The following RTKN variants were observed in gnomAD, a reference collection of about 807,000 sequenced individuals.
RTKN encodes rhotekin.
Under a neutral mutation model 63.5 loss-of-function variants are expected in RTKN, and 49 were observed. That is an observed-to-expected ratio of 0.77 (90% CI 0.61 to 0.98). RTKN has a LOEUF of 0.98. Ranked by LOEUF, RTKN falls within the 50% of genes least tolerant of loss-of-function variation. The probability of loss-of-function intolerance (pLI) is 0.00; values close to 1 mark genes in which losing one functional copy is unlikely to be tolerated. For missense variants in RTKN, 685 were observed against 740.8 expected (o/e 0.92, Z 0.87); for synonymous variants, 295 against 290.4 (o/e 1.02, Z -0.16).
At chr2:74,435,637 G>A (rs757363819) in intron 1 of RTKN, among the ~76,000 whole-genome samples, 10 of 152,208 alleles carry the variant, frequency 6.6e-5, no homozygotes, top group Non-Finnish European at 1.2e-4. Flanking sequence ...TCAGAGAGGA[G>A]TTGGAAGACT....
rs140016858 is a variant in RTKN at position 74,427,867 on chromosome 2, G to C, written c.1087-275C>G. The C allele has an allele frequency of 3.5e-4, 177 of 505,964 alleles. 2 individuals are homozygous for C. Among genetic ancestry groups the C allele is most frequent in the African/African-American group, 3.0e-3 (156 of 52,480 alleles). The allele number at this position is 505,964 out of a possible 1,614,324, so 31.3% of individuals were successfully genotyped here. A position where few individuals can be genotyped will look rare whatever the true frequency, so the allele number is the denominator to read the frequency against. ...AAGGTAGGCAAGGATGCTCCAGCCA[G>C]AGGTCCCTCAGAACTGACAAAAAGT... On this transcript the variant is annotated intron_variant, in intron 9 of 11. Transcript: ENST00000272430.
At chr2:74,437,279 C>A (rs1271127182) in intron 1 of RTKN, among the ~76,000 whole-genome samples, 1 of 152,160 alleles carries the variant, frequency 6.6e-6, no homozygotes, top group African/African-American at 2.4e-5. Context: ...TTAAAATAAG[C>A]CCCCTTTACT....
intron 2 of RTKN, among the ~76,000 whole-genome samples, chr2:74,431,241 C>T (rs1047602905): frequency 6.6e-6 from 1 of 152,046 alleles, no homozygotes; most frequent in African/African-American, 2.4e-5. Flanking sequence ...CCCTACCACT[C>T]CCCAACTTTG....
At chr2:74,433,417 T>C (rs1012182158) in intron 1 of RTKN, among the ~76,000 whole-genome samples, 2 of 152,026 alleles carry the variant, frequency 1.3e-5, no homozygotes, top group African/African-American at 4.8e-5. Context: ...ATCCAATACC[T>C]AGCAGTTTAT....
chr2:74,429,309 G>T (rs753431671), intron 6 of RTKN, among the ~76,000 whole-genome samples: 3 of 152,078 alleles, frequency 2.0e-5, no homozygotes, highest in Non-Finnish European at 2.9e-5. Context: ...CTACCCAAAG[G>T]TTCTCAAACT....
rs565489272 is a variant in RTKN at position 74,432,566 on chromosome 2, G to A, written c.212C>T (p.Ala71Val). 1.1e-4 allele frequency: 170 copies of A among 1,613,922 alleles called. No individual in the cohort carries two copies. The highest frequency in any genetic ancestry group is 1.4e-4 in the Non-Finnish European group (163 of 1,179,906). The stretch of plus-strand genomic sequence containing the variant: ...GTTGCACACTAGCAGGCTCTTGGTG[G>A]CCTCCAGAGCCTGCTCTCGCTGGGA... ...ACSQREQALE[A>V]TKSLLVCNSR... The change falls in exon 2 of 12, where the codon GCC (alanine) becomes GTC (valine). Residue 71 changes from alanine (A) to valine (V), a missense_variant. Coordinates refer to ENST00000272430, the MANE Select transcript of RTKN (RefSeq NM_001015055.2).
chr2:74,440,057 G>A (rs1671274173), intron 1 of RTKN: 1 of 964,146 alleles, frequency 1.0e-6, no homozygotes, highest in Non-Finnish European at 1.3e-6. Flanking sequence ...GGTGGACAGG[G>A]AATCTGTGTG....
intron 1 of RTKN, among the ~76,000 whole-genome samples, chr2:74,438,779 C>A (rs890647264): frequency 1.3e-4 from 20 of 152,334 alleles, no homozygotes; most frequent in African/African-American, 4.8e-4. Flanking sequence ...CCAACAGAGG[C>A]TTCCCCTGAC....
rs1670404973 is a variant in RTKN, at chr2:74,426,536, T to C, written c.1399A>G (p.Ile467Val). ...PLDDIAAVTD[I>V]LTQREGARLE... ...CTTGCGCCCTCCCGCTGGGTCAGGA[T>C]GTCTGTCACCGCTGCGATGTCATCC... The change falls in exon 12 of 12, where the codon ATC becomes GTC. Residue 467 changes from isoleucine to valine, a missense_variant. Coordinates refer to ENST00000272430, the MANE Select transcript of RTKN (RefSeq NM_001015055.2). 3 of 1,547,040 alleles carry C rather than the reference T, an allele frequency of 1.9e-6. No homozygotes were observed. Among genetic ancestry groups the C allele is most frequent in the African/African-American group, 1.4e-5 (1 of 73,186 alleles).
rs1404332856 is a variant in RTKN at position 74,428,661 on chromosome 2, C to T, written c.927G>A (p.Gln309=). The change falls in exon 8 of 12, where the codon CAG becomes CAA. Residue 309 remains glutamine (Q), a synonymous_variant. Coordinates refer to ENST00000272430, the MANE Select transcript of RTKN (RefSeq NM_001015055.2). ...RLAAQPLCMT[Q]PTASGTLRVQ... Reference sequence around the variant, plus strand: ...CCCTGAGGGTACCACTTGCAGTGGGCTGAGTCATGCAGAGAGGCTGAGCTG... The same window carrying T: ...CCCTGAGGGTACCACTTGCAGTGGGTTGAGTCATGCAGAGAGGCTGAGCTG... 2 of 1,613,970 alleles carry T rather than the reference C, an allele frequency of 1.2e-6. No individual in the cohort carries two copies. Among genetic ancestry groups the T allele is most frequent in the Admixed American group, 1.7e-5 (1 of 59,994 alleles).
intron 1 of RTKN, among the ~76,000 whole-genome samples, chr2:74,437,665 T>TTAA (rs1671131370): frequency 6.6e-6 from 1 of 152,220 alleles, no homozygotes; most frequent in African/African-American, 2.4e-5. Context: ...AATTAATGTT[T>TTAA]TGTTTTATTT....
At chr2:74,431,531 A>C (rs950627299) in intron 2 of RTKN, among the ~76,000 whole-genome samples, 1 of 152,234 alleles carries the variant, frequency 6.6e-6, no homozygotes, top group African/African-American at 2.4e-5. Flanking sequence ...GGTGTACCTC[A>C]AATCACCTGT....
rs1042154459 is a variant in RTKN at position 74,440,439 on chromosome 2, C to T, written c.111+1267G>A. ...CTGTCCCCGCTCCCTTCTGCAGGCC[C>T]CTTCCCTTCCAGACAGGAAACCAGC... On this transcript the variant is annotated intron_variant, in intron 1 of 11. Transcript: ENST00000272430. 3 of 986,868 alleles carry T rather than the reference C, an allele frequency of 3.0e-6. No homozygotes were observed. In the South Asian group the frequency reaches 1.4e-4, roughly 46 times the overall value. 61.1% of individuals were successfully genotyped at this position (986,868 alleles called of 1,614,324 possible). A position where few individuals can be genotyped will look rare whatever the true frequency, so the allele number is the denominator to read the frequency against.
chr2:74,440,070 G>A, intron 1 of RTKN: 1 of 900,160 alleles, frequency 1.1e-6, no homozygotes, highest in Non-Finnish European at 1.4e-6. Context: ...TCTGTGTGCG[G>A]AGAGGGCAGT....
chr2:74,429,456 G>A lies in RTKN; in HGVS notation c.755+372C>T, dbSNP rs114535242. ...ATGTATTTGCTAGGCTGAGTGCTGT[G>A]GCTCACGCCTGTAATCCTACCACTT... On this transcript the variant is annotated intron_variant, in intron 6 of 11. Transcript: ENST00000272430. Among the ~76,000 whole-genome samples the A allele has an allele frequency of 8.3e-3, 1,263 of 152,296 alleles. 22 individuals carry two copies. Among genetic ancestry groups the A allele is most frequent in the African/African-American group, 0.029 (1,223 of 41,544 alleles).
chr2:74,426,649 A>G (rs1024462701), intron 11 of RTKN, 75 bp from the exon 12 acceptor site: 2 of 1,486,982 alleles, frequency 1.3e-6, no homozygotes, highest in Non-Finnish European at 8.9e-7. Context: ...CAGCCCTATC[A>G]CCTGTCACTG....
intron 9 of RTKN, 189 bp from the exon 10 acceptor site, chr2:74,427,781 C>T (rs777750937): frequency 2.2e-5 from 13 of 599,528 alleles, no homozygotes; most frequent in Admixed American, 1.9e-4. Flanking sequence ...AGTCCTGAGT[C>T]AGGGGAGGAG....
At chr2:74,432,177 C>T (rs1468234990) in intron 2 of RTKN, 1 of 548,038 alleles carries the variant, frequency 1.8e-6, no homozygotes, top group Non-Finnish European at 3.3e-6. Context: ...CTTACTGGAT[C>T]ACAGACAGGG....
At chr2:74,439,793 C>A (rs1354066412) in intron 1 of RTKN, 2 of 1,438,232 alleles carry the variant, frequency 1.4e-6, no homozygotes, top group Non-Finnish European at 1.8e-6. Flanking sequence ...TCCTGTTAAA[C>A]CCCTCTGGCT....
Sources: allele counts gnomAD v4.1 joint callset (sites outside exome capture counted in the v4.1 genomes callset), GRCh38; gene constraint gnomAD v4.1.1; transcripts MANE v1.5; gene names NCBI Gene and HGNC (gene_info 2026-07-23, HGNC 2026-07-21).